RAD23A: variants seen among roughly 807,000 people sequenced by gnomAD.
RAD23A encodes the protein RAD23 nucleotide excision repair protein A.
Under a neutral mutation model 44.8 loss-of-function variants are expected in RAD23A, and 16 were observed. The observed-to-expected ratio is 0.36, with a 90% confidence interval of 0.24 to 0.54. RAD23A has a LOEUF of 0.54. RAD23A is among the 20% of genes least tolerant of loss of function. RAD23A has a pLI of 0.89. For missense variants in RAD23A, 380 were observed against 483.3 expected (o/e 0.79, Z 2.00); for synonymous variants, 217 against 202.9 (o/e 1.07, Z -0.59).
chr19:12,949,048 C>T, intron 5 of RAD23A, 33 bp from the exon 6 acceptor site: 1 of 1,598,144 alleles, frequency 6.3e-7, no homozygotes, highest in South Asian at 1.1e-5. Flanking sequence ...AGCAGGAGGT[C>T]TGTGCATTAG....
chr19:12,951,754 T>G (rs1971818388), intron 7 of RAD23A, among the ~76,000 whole-genome samples: 1 of 152,140 alleles, frequency 6.6e-6, no homozygotes, highest in Non-Finnish European at 1.5e-5. Context: ...CCCCATTCAC[T>G]CTGTTCCTGC....
intron 1 of RAD23A, among the ~76,000 whole-genome samples, chr19:12,946,446 T>C (rs1028659724): frequency 6.6e-6 from 1 of 152,224 alleles, no homozygotes; most frequent in Non-Finnish European, 1.5e-5. Flanking sequence ...ACAACGATGT[T>C]AATGATAATA....
At chr19:12,950,021 T>A (rs1392861494) in intron 7 of RAD23A, among the ~76,000 whole-genome samples, 1 of 152,064 alleles carries the variant, frequency 6.6e-6, no homozygotes, top group Non-Finnish European at 1.5e-5. Context: ...GTGTTCTTCA[T>A]CTGCACTCAG....
In RAD23A at chr19:12,948,911, G is replaced by C. The variant is rs1206207561; in HGVS notation, c.600+98G>C. On this transcript the variant is annotated intron_variant, in intron 5 of 8. Transcript: ENST00000586534. The surrounding 1 kb of genome is among the most constrained non-coding windows in gnomAD (Gnocchi z 5.5). ...GGGAAGGCAAAACCTGCCCTGAAAAGCCTTTGGGTAGTGATTCTAGCCACT... is the reference window on the plus strand; with the variant it reads ...GGGAAGGCAAAACCTGCCCTGAAAACCCTTTGGGTAGTGATTCTAGCCACT... 6.5e-7 allele frequency: 1 copy of C among 1,549,214 alleles called. No individual in the cohort carries two copies. The highest frequency in any genetic ancestry group is 1.4e-5 in the African/African-American group (1 of 73,324).
intron 7 of RAD23A, among the ~76,000 whole-genome samples, chr19:12,950,466 G>A (rs139976277): frequency 3.9e-5 from 6 of 151,908 alleles, no homozygotes; most frequent in Non-Finnish European, 7.4e-5. Flanking sequence ...GTGCAATGGC[G>A]CAATCCCGGC....
Position 12,945,927 on chromosome 19 carries a change from G to A in RAD23A, c.-22G>A. Reference sequence around the variant, plus strand: ...CATGTTGTGTGAGGATCCCGGGGCCGCCGCGTCGCTCGGGCCCCGCCATGG... The same window carrying A: ...CATGTTGTGTGAGGATCCCGGGGCCACCGCGTCGCTCGGGCCCCGCCATGG... On this transcript the variant is annotated 5_prime_UTR_variant, in exon 1 of 9. Transcript: ENST00000586534. 3 of 1,605,824 alleles carry A rather than the reference G, an allele frequency of 1.9e-6. No individual in the cohort carries two copies. The highest frequency in any genetic ancestry group is 2.5e-6 in the Non-Finnish European group (3 of 1,177,302).
Position 12,953,124 on chromosome 19 carries a change from A to G in RAD23A, c.*75A>G. On this transcript the variant is annotated 3_prime_UTR_variant, in exon 9 of 9. Coordinates refer to ENST00000586534, the MANE Select transcript of RAD23A (RefSeq NM_005053.4). ...AAGTTTTATAAAAGAAAAAATATAT[A>G]TATATTCATGTTTATTTAAGAAATG... The G allele has an allele frequency of 1.1e-6, 1 of 949,354 alleles. No homozygotes were observed. Among genetic ancestry groups the G allele is most frequent in the South Asian group, 1.7e-5 (1 of 59,438 alleles). 58.8% of individuals were successfully genotyped at this position (949,354 alleles called of 1,614,324 possible).
At chr19:12,949,851 C>T (rs1200142145) in intron 7 of RAD23A, among the ~76,000 whole-genome samples, 2 of 151,978 alleles carry the variant, frequency 1.3e-5, no homozygotes, top group African/African-American at 4.8e-5. Context: ...CTCCATCTTG[C>T]CCTTGAAGGT....
rs755045962 is a variant in RAD23A, at chr19:12,949,409, G to A, written c.813+1G>A. 3.1e-6 allele frequency: 5 copies of A among 1,612,534 alleles called. No individual in the cohort carries two copies. Among genetic ancestry groups the A allele is most frequent in the South Asian group, 2.2e-5 (2 of 91,046 alleles). On this transcript the variant is annotated splice_donor_variant, in intron 7 of 8. Coordinates refer to ENST00000586534, the MANE Select transcript of RAD23A (RefSeq NM_005053.4). LOFTEE classifies it high-confidence loss of function. The stretch of plus-strand genomic sequence containing the variant: ...CCAGGAGAACCCTCAGCTTTTACAG[G>A]TGTGGTCCCAAGGGCAGAGGGAGCT...
rs377477797 is a variant in RAD23A, at chr19:12,953,338, T to A, written c.*289T>A. 96 of 244,042 alleles carry A rather than the reference T, an allele frequency of 3.9e-4. 1 individual carries two copies. In the East Asian group the frequency reaches 6.3e-3, roughly 16 times the overall value. 15.1% of individuals were successfully genotyped at this position (244,042 alleles called of 1,614,324 possible). A position where few individuals can be genotyped will look rare whatever the true frequency, so the allele number is the denominator to read the frequency against. ...GGCCCCTCTTGGCCTCTGTCCCAGC[T>A]CTCTGCAGCCAGACGGAAAGGCGGC... is the stretch of plus-strand genomic sequence containing the variant. On this transcript the variant is annotated 3_prime_UTR_variant, in exon 9 of 9. Coordinates refer to ENST00000586534, the MANE Select transcript of RAD23A (RefSeq NM_005053.4).
Position 12,949,085 on chromosome 19 carries a change from T to C in RAD23A, c.605T>C (p.Ile202Thr). 6.2e-7 allele frequency: 1 copy of C among 1,612,174 alleles called. No homozygotes were observed. The highest frequency in any genetic ancestry group is 8.5e-7 in the Non-Finnish European group (1 of 1,179,208). Reference sequence around the variant, plus strand: ...ACTAAACAGGACCCCTGACAGGGAATTCCTGGGAGCCCCGAGCCGGAACAC... The same window carrying C: ...ACTAAACAGGACCCCTGACAGGGAACTCCTGGGAGCCCCGAGCCGGAACAC... ...HRAVEYLLTG[I>T]PGSPEPEHGS... The change falls in exon 6 of 9, where the codon ATT (isoleucine) becomes ACT (threonine). Residue 202 changes from isoleucine (I) to threonine (T), a missense_variant. Around this residue, in one of 3 missense-constraint regions of RAD23A, gnomAD observed 279 missense variants for 313.7 expected, o/e 0.89. Coordinates refer to ENST00000586534, the MANE Select transcript of RAD23A (RefSeq NM_005053.4).
chr19:12,947,952 C>T lies in RAD23A; in HGVS notation c.177C>T (p.Val59=). ...IYAGKILSDD[V]PIRDYRIDEK... ...CCGGCAAGATCTTGAGTGACGATGT[C>T]CCTATCAGGGACTATCGCATCGATG... is the stretch of plus-strand genomic sequence containing the variant. Residue 59 remains valine (V), a synonymous_variant, in exon 2 of 9, where the codon GTC becomes GTT. Coordinates refer to ENST00000586534, the MANE Select transcript of RAD23A (RefSeq NM_005053.4). 1.2e-6 allele frequency: 2 copies of T among 1,614,018 alleles called. No homozygotes were observed. The highest frequency in any genetic ancestry group is 1.7e-6 in the Non-Finnish European group (2 of 1,180,032).
In RAD23A at chr19:12,949,134, A is replaced by G. The variant is rs2227995; in HGVS notation, c.654A>G (p.Val218=). ...PEHGSVQESQ[V]SEQPATEAAG... Reference sequence around the variant, plus strand: ...ACGGTTCTGTCCAGGAGAGCCAGGTATCGGAGCAGCCGGCCACGGAAGCAG... The same window carrying G: ...ACGGTTCTGTCCAGGAGAGCCAGGTGTCGGAGCAGCCGGCCACGGAAGCAG... Residue 218 remains valine (V), a synonymous_variant, in exon 6 of 9, where the codon GTA becomes GTG. Coordinates refer to ENST00000586534, the MANE Select transcript of RAD23A (RefSeq NM_005053.4). 2,929 of 1,613,970 alleles carry G rather than the reference A, an allele frequency of 1.8e-3. 38 individuals are homozygous for G. In the African/African-American group the frequency reaches 0.033, roughly 18 times the overall value.
intron 7 of RAD23A, among the ~76,000 whole-genome samples, chr19:12,950,126 C>G (rs1225653904): frequency 6.6e-6 from 1 of 152,200 alleles, no homozygotes; most frequent in African/African-American, 2.4e-5. Context: ...CACTCCATGG[C>G]TGGCTTAATT....
Position 12,949,367 on chromosome 19 carries a change from C to T in RAD23A, c.772C>T (p.Leu258=). Residue 258 remains leucine, a synonymous_variant, in exon 7 of 9, where the codon CTG becomes TTG. Coordinates refer to ENST00000586534, the MANE Select transcript of RAD23A (RefSeq NM_005053.4). Reference sequence around the variant, plus strand: ...GCAGAACCCTGCGCTGCTGCCCGCCCTGCTCCAGCAGCTGGGCCAGGAGAA... The same window carrying T: ...GCAGAACCCTGCGCTGCTGCCCGCCTTGCTCCAGCAGCTGGGCCAGGAGAA... ...IQQNPALLPA[L]LQQLGQENPQ... The T allele has an allele frequency of 1.2e-6, 2 of 1,614,040 alleles. No homozygotes were observed. The highest frequency in any genetic ancestry group is 1.7e-6 in the Non-Finnish European group (2 of 1,179,902).
intron 7 of RAD23A, among the ~76,000 whole-genome samples, chr19:12,950,694 C>G (rs2146039800): frequency 6.6e-6 from 1 of 152,318 alleles, no homozygotes. Flanking sequence ...AGCCATCACA[C>G]CTGGCTGACT....
At chr19:12,950,717 C>T (rs1019756479) in intron 7 of RAD23A, among the ~76,000 whole-genome samples, 1 of 152,118 alleles carries the variant, frequency 6.6e-6, no homozygotes, top group Non-Finnish European at 1.5e-5. Context: ...AAAGCACTTT[C>T]TTCTTTAATG....
chr19:12,949,354 G>C lies in RAD23A; in HGVS notation c.759G>C (p.Ala253=). 1 of 1,614,100 alleles carries C rather than the reference G, an allele frequency of 6.2e-7. No homozygotes were observed. Among genetic ancestry groups the C allele is most frequent in the Non-Finnish European group, 8.5e-7 (1 of 1,179,974 alleles). ...NMRQVIQQNP[A]LLPALLQQLG... ...GGCAGGTGATTCAGCAGAACCCTGC[G>C]CTGCTGCCCGCCCTGCTCCAGCAGC... Residue 253 remains alanine, a synonymous_variant, in exon 7 of 9, where the codon GCG becomes GCC. Transcript: ENST00000586534.
intron 7 of RAD23A, among the ~76,000 whole-genome samples, chr19:12,949,751 A>G (rs1212448414): frequency 6.6e-6 from 1 of 152,020 alleles, no homozygotes; most frequent in African/African-American, 2.4e-5. Flanking sequence ...TCACATACAG[A>G]TGGTGCTGCG....
Sources: gnomAD v4.1 joint callset for allele counts (sites outside exome capture counted in the v4.1 genomes callset) on GRCh38, gnomAD v4.1.1 for gene constraint, gnomAD v4.1.1 regional missense constraint, Gnocchi (gnomAD v3.1) non-coding constraint, MANE v1.5 for transcripts, NCBI Gene and HGNC (gene_info 2026-07-23, HGNC 2026-07-21) for gene names.